The following NID1 variants were observed in gnomAD, a reference collection of about 807,000 sequenced individuals.
NID1 encodes nidogen-1.
In NID1, 76 loss-of-function variants were observed where a neutral mutation model predicts 130.6. That is an observed-to-expected ratio of 0.58 (90% CI 0.48 to 0.70). NID1 has a LOEUF of 0.70. Ranked by LOEUF, NID1 falls within the 30% of genes least tolerant of loss-of-function variation. NID1 has a pLI of 0.00. For missense variants in NID1, 1,517 were observed against 1,664.8 expected, an observed-to-expected ratio of 0.91 and a Z score of 1.54; for synonymous variants, 665 against 675.1, an observed-to-expected ratio of 0.98 and a Z score of 0.23.
chr1:236,031,537 G>C (rs1212819136), intron 6 of NID1, among the ~76,000 whole-genome samples: 2 of 152,244 alleles, frequency 1.3e-5, no homozygotes, highest in Non-Finnish European at 1.5e-5. Context: ...CCTGCTTCCA[G>C]CAGTGTTTCC....
At chr1:236,033,152 A>T (rs1432237440) in intron 5 of NID1, among the ~76,000 whole-genome samples, 1 of 152,254 alleles carries the variant, frequency 6.6e-6, no homozygotes, top group East Asian at 1.9e-4. Flanking sequence ...TACTAAAAAT[A>T]AAAAAATTAG....
Position 235,993,788 on chromosome 1 carries a change from G to A in NID1, c.2612C>T (p.Pro871Leu), listed in dbSNP as rs200827911. The A allele has an allele frequency of 1.5e-5, 25 of 1,614,164 alleles. No homozygotes were observed. In the Admixed American group the frequency reaches 3.8e-4, roughly 25 times the overall value. ...GATDPQRPIP[P>L]GLFVPECDAH... is the part of the protein sequence containing the mutation. ...ATCGCACTCAGGAACGAACAGCCCCGGAGGAATGGGTCGCTGTGGGTCTGT... is the reference window on the plus strand; with the variant it reads ...ATCGCACTCAGGAACGAACAGCCCCAGAGGAATGGGTCGCTGTGGGTCTGT... The change falls in exon 13 of 20, where the codon CCG (proline) becomes CTG (leucine). Residue 871 changes from proline (P) to leucine (L), a missense_variant. By Grantham distance (98) the Pro-to-Leu change is moderately conservative. This residue lies in a region of NID1 where 1,329 missense variants were observed against 1,429.2 expected (regional missense o/e 0.93). Transcript: ENST00000264187.
chr1:236,046,217 A>G (rs1037979791), intron 2 of NID1, among the ~76,000 whole-genome samples: 18 of 152,208 alleles, frequency 1.2e-4, no homozygotes, highest in Non-Finnish European at 2.4e-4. Context: ...CGATGTTTGC[A>G]TCTGTAAAAT....
rs1572606092 is a variant in NID1, at chr1:236,029,559, A to G, written c.1729T>C (p.Ser577Pro). The change falls in exon 7 of 20, where the codon TCC becomes CCC. Residue 577 changes from serine to proline, a missense_variant. Coordinates refer to ENST00000264187, the MANE Select transcript of NID1 (RefSeq NM_002508.3). ...IEPYTELYHY[S>P]TSVITSSSTR... ...CACAGCTGGGGCTCACCTGAGGTGG[A>G]GTAGTGGTACAGCTCCGTGTAGGGC... 2 of 1,559,874 alleles carry G rather than the reference A, an allele frequency of 1.3e-6. No homozygotes were observed. The highest frequency in any genetic ancestry group is 1.7e-6 in the Non-Finnish European group (2 of 1,152,120).
chr1:236,022,065 T>C lies in NID1; in HGVS notation c.2128+2005A>G, dbSNP rs753456465. Among the ~76,000 whole-genome samples the C allele has an allele frequency of 7.9e-5, 12 of 151,158 alleles. 1 individual carries two copies. Among genetic ancestry groups the C allele is most frequent in the Admixed American group, 4.0e-4 (6 of 15,132 alleles). On this transcript the variant is annotated intron_variant, in intron 9 of 19. Transcript: ENST00000264187. ...CAAGTGGATTGCTTGAGCCCAGGAG[T>C]TTGAGACCAGCCTGGGCAACATGGA... is the stretch of plus-strand genomic sequence containing the variant.
intron 1 of NID1, among the ~76,000 whole-genome samples, chr1:236,060,947 T>TTGG (rs971993458): frequency 2.0e-5 from 3 of 152,152 alleles, no homozygotes; most frequent in African/African-American, 7.2e-5. Context: ...CCTGTGGCAA[T>TTGG]TGGAGCCTAG....
At chr1:236,018,168 G>A (rs978182789) in intron 9 of NID1, among the ~76,000 whole-genome samples, 8 of 152,120 alleles carry the variant, frequency 5.3e-5, no homozygotes, top group Admixed American at 3.3e-4. Flanking sequence ...ATGGGGTAAC[G>A]TGGAGCAAAC....
At chr1:236,029,792 C>T (rs544844102) in intron 6 of NID1, 42 bp from the exon 7 acceptor site, 23 of 1,597,806 alleles carry the variant, frequency 1.4e-5, no homozygotes, top group African/African-American at 6.7e-5. Flanking sequence ...GACTGGGGAG[C>T]GCGCCCTTCT....
Position 236,026,517 on chromosome 1 carries a change from C to T in NID1, c.1739-376G>A, listed in dbSNP as rs147042364. Among the ~76,000 whole-genome samples the T allele has an allele frequency of 7.4e-4, 113 of 152,240 alleles. No individual in the cohort carries two copies. In the East Asian group the frequency reaches 0.02, roughly 28 times the overall value. Reference sequence around the variant, plus strand: ...TCAGTACCACTCACAAGCTGTGTGGCCACTGGCTGATGACTCAACATCTTT... The same window carrying T: ...TCAGTACCACTCACAAGCTGTGTGGTCACTGGCTGATGACTCAACATCTTT... On this transcript the variant is annotated intron_variant, in intron 7 of 19. Coordinates refer to ENST00000264187, the MANE Select transcript of NID1 (RefSeq NM_002508.3).
chr1:235,981,874 T>C (rs917358472), intron 15 of NID1, 92 bp from the exon 16 acceptor site: 8 of 1,197,320 alleles, frequency 6.7e-6, no homozygotes, highest in Non-Finnish European at 9.3e-6. Context: ...TTTCACATGG[T>C]GTCCAATCCC....
intron 1 of NID1, among the ~76,000 whole-genome samples, chr1:236,049,350 G>A (rs116408006): frequency 0.011 from 1,669 of 152,214 alleles, 35 homozygotes; most frequent in African/African-American, 0.037. Context: ...TTGGTAGCTC[G>A]GGCCTGTAGT....
In NID1 at chr1:236,045,444, A is replaced by C. The variant is rs1388868570; in HGVS notation, c.752+13T>G. On this transcript the variant is annotated intron_variant, in intron 3 of 19. Transcript: ENST00000264187. ...TTAAGAGGAGAATCTACTGAAGAACAAAGAAAGCATACTTGGCCAAATTTT... is the reference window on the plus strand; with the variant it reads ...TTAAGAGGAGAATCTACTGAAGAACCAAGAAAGCATACTTGGCCAAATTTT... 2 of 1,582,058 alleles carry C rather than the reference A, an allele frequency of 1.3e-6. No individual in the cohort carries two copies. Among genetic ancestry groups the C allele is most frequent in the Admixed American group, 3.3e-5 (2 of 59,936 alleles).
rs1659574925 is a variant in NID1 at position 236,045,467 on chromosome 1, T to C, written c.742A>G (p.Asn248Asp). The C allele has an allele frequency of 1.2e-6, 2 of 1,613,792 alleles. No individual in the cohort carries two copies. Among genetic ancestry groups the C allele is most frequent in the Non-Finnish European group, 1.7e-6 (2 of 1,179,844 alleles). Residue 248 changes from asparagine (N) to aspartate (D), a missense_variant, in exon 3 of 20, where the codon AAT (asparagine) becomes GAT (aspartate). Transcript: ENST00000264187. ...ACAAAGAAAGCATACTTGGCCAAAT[T>C]TTCAACTGATTCCCTGTCATTAGCA... ...IFANDRESVENLAKSSNSGQQ... is the reference protein window; with the variant it reads ...IFANDRESVEDLAKSSNSGQQ...
rs1354401317 is a variant in NID1, at chr1:235,979,942, G to T, written c.3389C>A (p.Thr1130Asn). 6.2e-7 allele frequency: 1 copy of T among 1,613,914 alleles called. No individual in the cohort carries two copies. The highest frequency in any genetic ancestry group is 1.3e-5 in the African/African-American group (1 of 74,926). Residue 1130 changes from threonine (T) to asparagine (N), a missense_variant, in exon 18 of 20, where the codon ACC becomes AAC. Coordinates refer to ENST00000264187, the MANE Select transcript of NID1 (RefSeq NM_002508.3). This position sits in a 1 kb window ranked among gnomAD's most constrained non-coding sequence, Gnocchi z 4.6. ...SSQLCWVDAG[T>N]NRAECLNPSQ... is the part of the protein sequence containing the mutation. ...GGGGTTCAGGCATTCCGCCCGATTGGTGCCTGTGTGGAGTGGAAACAATTC... is the reference window on the plus strand; with the variant it reads ...GGGGTTCAGGCATTCCGCCCGATTGTTGCCTGTGTGGAGTGGAAACAATTC...
chr1:236,004,121 C>A (rs1269527250), intron 12 of NID1, among the ~76,000 whole-genome samples: 1 of 151,360 alleles, frequency 6.6e-6, no homozygotes, highest in African/African-American at 2.4e-5. Context: ...TTTACGAGAG[C>A]AGTTTGGGTG....
chr1:236,031,041 C>A (rs969456863), intron 6 of NID1, among the ~76,000 whole-genome samples: 1 of 152,096 alleles, frequency 6.6e-6, no homozygotes, highest in Non-Finnish European at 1.5e-5. Context: ...AATATATATG[C>A]CTGTGGACTA....
chr1:236,004,052 A>C (rs781597767), intron 12 of NID1, among the ~76,000 whole-genome samples: 27 of 150,772 alleles, frequency 1.8e-4, no homozygotes, highest in African/African-American at 3.2e-4. Flanking sequence ...AAAAAAAACA[A>C]GAAGAAAAGA....
At position 235,977,995 on chromosome 1, in the gene NID1, A is replaced by C; in HGVS notation, c.3623-7T>G. ...ACTGAGCAGTAGTTATGGCCTGGAA[A>C]AGGCAGAAATCAGTTCAATAGCCCT... On this transcript the variant is annotated splice_region_variant and splice_polypyrimidine_tract_variant and intron_variant, in intron 19 of 19. Coordinates refer to ENST00000264187, the MANE Select transcript of NID1 (RefSeq NM_002508.3). 6.2e-7 allele frequency: 1 copy of C among 1,613,752 alleles called. No homozygotes were observed. The highest frequency in any genetic ancestry group is 8.5e-7 in the Non-Finnish European group (1 of 1,179,856).
chr1:235,994,164 C>CT (rs1228436280), intron 12 of NID1, among the ~76,000 whole-genome samples: 2 of 152,120 alleles, frequency 1.3e-5, no homozygotes, highest in East Asian at 1.9e-4. Context: ...TACAGTGAAC[C>CT]TTTTTTTACT....
Sources: gnomAD v4.1 joint callset for allele counts (sites outside exome capture counted in the v4.1 genomes callset) on GRCh38, gnomAD v4.1.1 for gene constraint, gnomAD v4.1.1 regional missense constraint, Gnocchi (gnomAD v3.1) non-coding constraint, MANE v1.5 for transcripts, NCBI Gene and HGNC (gene_info 2026-07-23, HGNC 2026-07-21) for gene names.